ZNF451: variants seen among roughly 807,000 people sequenced by gnomAD.
The protein encoded by ZNF451 is E3 SUMO-protein ligase ZNF451.
Under a neutral mutation model 107.1 loss-of-function variants are expected in ZNF451, and 80 were observed. That is an observed-to-expected ratio of 0.75 (90% CI 0.62 to 0.90). The LOEUF is 0.90. Ranked by LOEUF, ZNF451 falls within the 40% of genes least tolerant of loss-of-function variation. The pLI is 0.00. For missense variants in ZNF451, 1,107 were observed against 1,236.2 expected (o/e 0.90, Z 1.57); for synonymous variants, 362 against 406.5 (o/e 0.89, Z 1.32).
Position 57,124,877 on chromosome 6 carries a change from T to A in ZNF451, c.312+18T>A. On this transcript the variant is annotated intron_variant, in intron 4 of 14. Transcript: ENST00000370706. ...CATTCAGAGTATGTGCTATTTTAAT[T>A]GGTATTTTATATAATTAAAAAATTA... 1 of 1,435,390 alleles carries A rather than the reference T, an allele frequency of 7.0e-7. No individual in the cohort carries two copies. Among genetic ancestry groups the A allele is most frequent in the South Asian group, 1.7e-5 (1 of 60,224 alleles). The allele number at this position is 1,435,390 out of a possible 1,614,324, so 88.9% of individuals were successfully genotyped here.
chr6:57,095,482 A>C (rs993413845), intron 2 of ZNF451, among the ~76,000 whole-genome samples: 5 of 151,694 alleles, frequency 3.3e-5, no homozygotes, highest in Non-Finnish European at 7.4e-5. Context: ...ACAGGCACGC[A>C]CTACTGTACC....
intron 12 of ZNF451, among the ~76,000 whole-genome samples, chr6:57,152,941 T>G (rs1269787096): frequency 2.0e-5 from 3 of 152,138 alleles, no homozygotes; most frequent in Non-Finnish European, 4.4e-5. Flanking sequence ...TATTTTAATA[T>G]CTCTAAAATT....
intron 9 of ZNF451, among the ~76,000 whole-genome samples, chr6:57,143,099 A>G (rs1003031390): frequency 1.3e-5 from 2 of 152,156 alleles, no homozygotes; most frequent in African/African-American, 2.4e-5. Context: ...CGTATCTAGA[A>G]TACAGGAATT....
chr6:57,131,346 G>C lies in ZNF451; in HGVS notation c.425-1696G>C, dbSNP rs182373123. ...AATCTCTGTATTTTGCCTTTCCATG[G>C]GGAAGCCTCCCCACCCCTCCACCCA... On this transcript the variant is annotated intron_variant, in intron 5 of 14. Transcript: ENST00000370706. 5.3e-5 allele frequency among the ~76,000 whole-genome samples: 8 copies of C among 151,978 alleles called. No homozygotes were observed. In the East Asian group the frequency reaches 1.5e-3, roughly 29 times the overall value.
chr6:57,094,606 A>G (rs1009859768), intron 2 of ZNF451, among the ~76,000 whole-genome samples: 3 of 152,230 alleles, frequency 2.0e-5, no homozygotes, highest in Non-Finnish European at 4.4e-5. Context: ...TGTTAAAGAT[A>G]TAAGTAGTAA....
intron 4 of ZNF451, among the ~76,000 whole-genome samples, chr6:57,128,064 T>C (rs929179305): frequency 1.3e-5 from 2 of 152,192 alleles, no homozygotes; most frequent in Non-Finnish European, 2.9e-5. Context: ...CTAGCCTTTG[T>C]GGAAAAGTTT....
Position 57,124,810 on chromosome 6 carries a change from A to G in ZNF451, c.263A>G (p.His88Arg). 16 of 1,611,860 alleles carry G rather than the reference A, an allele frequency of 9.9e-6. No individual in the cohort carries two copies. The highest frequency in any genetic ancestry group is 1.4e-5 in the Non-Finnish European group (16 of 1,178,442). Residue 88 changes from histidine (H) to arginine (R), a missense_variant, in exon 4 of 15, where the codon CAT becomes CGT. Physicochemically the swap from His to Arg is conservative, Grantham distance 29 (BLOSUM62 0). Around this residue, in one of 5 missense-constraint regions of ZNF451, gnomAD observed 339 missense variants for 372.8 expected, o/e 0.91. Transcript: ENST00000370706. ...VALTLARLAR[H>R]VEVEKQQKEE... ...TTAACTCTGGCTCGTCTAGCCCGCCATGTTGAAGTGGAGAAACAGCAGAAA... is the reference window on the plus strand; with the variant it reads ...TTAACTCTGGCTCGTCTAGCCCGCCGTGTTGAAGTGGAGAAACAGCAGAAA...
intron 7 of ZNF451, 152 bp downstream of exon 7, chr6:57,135,022 G>A: frequency 1.5e-6 from 1 of 676,750 alleles, no homozygotes; most frequent in Non-Finnish European, 2.4e-6. Context: ...AATGATTTGG[G>A]CCATTTAGTT....
intron 6 of ZNF451, among the ~76,000 whole-genome samples, chr6:57,133,637 G>A (rs1167203332): frequency 6.6e-6 from 1 of 152,142 alleles, no homozygotes; most frequent in Non-Finnish European, 1.5e-5. Context: ...TCTATTTATT[G>A]AAACCCATTT....
intron 3 of ZNF451, among the ~76,000 whole-genome samples, chr6:57,120,434 C>T (rs1316064032): frequency 6.6e-6 from 1 of 152,102 alleles, no homozygotes. Flanking sequence ...GAGTAACAAC[C>T]AAGAAGTCCA....
intron 14 of ZNF451, among the ~76,000 whole-genome samples, chr6:57,166,244 T>C (rs1763891575): frequency 6.6e-6 from 1 of 152,220 alleles, no homozygotes. Flanking sequence ...GCCAGGCTGG[T>C]CTCGAACTAC....
chr6:57,113,620 A>AAT (rs1329403098), intron 3 of ZNF451, among the ~76,000 whole-genome samples: 6 of 137,254 alleles, frequency 4.4e-5, no homozygotes, highest in African/African-American at 1.6e-4. Flanking sequence ...AGAAAAAAAA[A>AAT]TTTTTTTTTT....
intron 3 of ZNF451, chr6:57,107,674 A>G: frequency 1.0e-6 from 1 of 985,346 alleles, no homozygotes; most frequent in Non-Finnish European, 1.2e-6. Flanking sequence ...CCTATTTCAA[A>G]TGGTCTGTTG....
At chr6:57,114,952 C>G (rs1031186797) in intron 3 of ZNF451, 1 of 152,104 alleles carries the variant, frequency 6.6e-6, no homozygotes, top group Non-Finnish European at 1.5e-5. Flanking sequence ...TTTACAGGAT[C>G]ATTTTCACTT....
chr6:57,098,903 C>T (rs1181622535), intron 2 of ZNF451, among the ~76,000 whole-genome samples, 158 bp from the exon 3 acceptor site: 2 of 152,030 alleles, frequency 1.3e-5, no homozygotes, highest in Non-Finnish European at 2.9e-5. Flanking sequence ...TGAATATTTT[C>T]CTCTGCTGCT....
intron 3 of ZNF451, chr6:57,106,799 ATAG>A (rs1464178029): frequency 3.0e-6 from 3 of 985,178 alleles, no homozygotes; most frequent in African/African-American, 1.7e-5. Context: ...GTGGTTTATC[ATAG>A]TAGATACACA....
intron 3 of ZNF451, among the ~76,000 whole-genome samples, chr6:57,118,844 TC>T (rs1830497956): frequency 6.6e-6 from 1 of 152,120 alleles, no homozygotes; most frequent in South Asian, 2.1e-4. Flanking sequence ...AAAAATAACT[TC>T]CTGTGACTGC....
At chr6:57,140,770 A>C (rs527820334) in intron 7 of ZNF451, among the ~76,000 whole-genome samples, 5 of 152,196 alleles carry the variant, frequency 3.3e-5, no homozygotes, top group Non-Finnish European at 7.3e-5. Flanking sequence ...GAGATATACC[A>C]GCTGATTTTT....
chr6:57,160,130 A>C (rs1192375294), intron 13 of ZNF451, among the ~76,000 whole-genome samples: 2 of 152,236 alleles, frequency 1.3e-5, no homozygotes, highest in Non-Finnish European at 2.9e-5. Context: ...TTGTGAAGAT[A>C]GTACAGAGTG....
Sources: allele counts gnomAD v4.1 joint callset (sites outside exome capture counted in the v4.1 genomes callset), GRCh38; gene constraint gnomAD v4.1.1; regional missense constraint gnomAD v4.1.1; transcripts MANE v1.5; gene names NCBI Gene and HGNC (gene_info 2026-07-23, HGNC 2026-07-21).